Variants in SGCZ observed in about 807,000 individuals in gnomAD.
SGCZ encodes the protein zeta-sarcoglycan.
Under a neutral mutation model 41.3 loss-of-function variants are expected in SGCZ, and 40 were observed. The observed-to-expected ratio is 0.97, with a 90% CI of 0.75 to 1.26. SGCZ has a LOEUF of 1.26. SGCZ is among the 50% of genes most tolerant of loss of function. The probability of loss-of-function intolerance (pLI) is 0.00; values close to 1 mark genes in which losing one functional copy is unlikely to be tolerated. For missense variants in SGCZ, 552 were observed against 369.8 expected, an observed-to-expected ratio of 1.49 and a Z score of -4.04; for synonymous variants, 206 against 137.5, an observed-to-expected ratio of 1.50 and a Z score of -3.49.
At chr8:14,326,005 G>A (rs147307718) in intron 2 of SGCZ, among the ~76,000 whole-genome samples, 2,055 of 147,398 alleles carry the variant, frequency 0.014, 62 homozygotes, top group African/African-American at 0.049. Context: ...CCAGGTACTC[G>A]GAAGGCTGAG....
chr8:14,854,410 A>T (rs1329988287), intron 1 of SGCZ, among the ~76,000 whole-genome samples: 1 of 152,106 alleles, frequency 6.6e-6, no homozygotes, highest in Non-Finnish European at 1.5e-5. Flanking sequence ...GTTCCACAAC[A>T]TATCTAAAGC....
chr8:14,178,068 G>C (rs112055119), intron 4 of SGCZ, among the ~76,000 whole-genome samples: 1 of 141,994 alleles, frequency 7.0e-6, no homozygotes, highest in Non-Finnish European at 1.5e-5. Context: ...AGGGACTCTC[G>C]TGCCTCAGCC....
intron 2 of SGCZ, among the ~76,000 whole-genome samples, chr8:14,364,239 T>A (rs1365225633): frequency 6.6e-6 from 1 of 152,182 alleles, no homozygotes; most frequent in Non-Finnish European, 1.5e-5. Context: ...GTAGATATTG[T>A]GAAAAATCTC....
At chr8:15,090,325 G>A (rs1418857521) in intron 1 of SGCZ, among the ~76,000 whole-genome samples, 2 of 152,126 alleles carry the variant, frequency 1.3e-5, no homozygotes, top group African/African-American at 2.4e-5. Context: ...TAACACTTGA[G>A]GTTTGACTTA....
At chr8:14,234,373 A>T (rs1045721318) in intron 4 of SGCZ, among the ~76,000 whole-genome samples, 1 of 152,062 alleles carries the variant, frequency 6.6e-6, no homozygotes, top group Non-Finnish European at 1.5e-5. Flanking sequence ...AAGGTGGGGT[A>T]CAAGAGGAAT....
intron 1 of SGCZ, among the ~76,000 whole-genome samples, chr8:15,150,495 C>T (rs1799147838): frequency 6.6e-6 from 1 of 152,136 alleles, no homozygotes; most frequent in Non-Finnish European, 1.5e-5. Flanking sequence ...CCCTCCCAAA[C>T]CTAATTCCCC....
At chr8:14,912,556 A>T (rs1408170599) in intron 1 of SGCZ, among the ~76,000 whole-genome samples, 1 of 152,228 alleles carries the variant, frequency 6.6e-6, no homozygotes, top group East Asian at 1.9e-4. Flanking sequence ...GGAATATAGT[A>T]GTGATGTTTC....
intron 1 of SGCZ, among the ~76,000 whole-genome samples, chr8:14,737,089 ATATATC>A (rs1799060289): frequency 1.4e-5 from 2 of 144,356 alleles, no homozygotes; most frequent in African/African-American, 5.2e-5. Flanking sequence ...TATATAAGAT[ATATATC>A]TATATACCAG....
intron 1 of SGCZ, among the ~76,000 whole-genome samples, chr8:14,982,510 G>A (rs1182857842): frequency 3.3e-5 from 5 of 152,122 alleles, no homozygotes; most frequent in Non-Finnish European, 5.9e-5. Flanking sequence ...AGTGTAAACA[G>A]CTTTGACTCC....
At chr8:15,230,362 A>G (rs1017147798) in intron 1 of SGCZ, among the ~76,000 whole-genome samples, 1 of 152,158 alleles carries the variant, frequency 6.6e-6, no homozygotes, top group African/African-American at 2.4e-5. Context: ...CCTATGTATA[A>G]TAGCACAGGA....
chr8:15,072,564 T>A (rs1400930518), intron 1 of SGCZ, among the ~76,000 whole-genome samples: 1 of 152,182 alleles, frequency 6.6e-6, no homozygotes, highest in African/African-American at 2.4e-5. Context: ...TGTTGTTGCT[T>A]TTCTAGCTAA....
At chr8:14,441,302 G>T (rs1395990873) in intron 2 of SGCZ, among the ~76,000 whole-genome samples, 1 of 152,122 alleles carries the variant, frequency 6.6e-6, no homozygotes, top group Admixed American at 6.6e-5. Context: ...TTTGGCCGGG[G>T]ACAGTGGCTC....
At chr8:14,279,301 T>A (rs1405169181) in intron 3 of SGCZ, among the ~76,000 whole-genome samples, 1 of 152,102 alleles carries the variant, frequency 6.6e-6, no homozygotes, top group Non-Finnish European at 1.5e-5. Flanking sequence ...AGTGATTTAT[T>A]GTTCATATAT....
At chr8:14,751,867 G>T (rs556567234) in intron 1 of SGCZ, among the ~76,000 whole-genome samples, 39 of 151,642 alleles carry the variant, frequency 2.6e-4, no homozygotes, top group African/African-American at 9.0e-4. Flanking sequence ...GGGAGGCAGA[G>T]CTTGCACTGA....
chr8:14,597,697 G>A (rs913703266), intron 1 of SGCZ, among the ~76,000 whole-genome samples: 26 of 152,164 alleles, frequency 1.7e-4, no homozygotes, highest in African/African-American at 4.1e-4. Context: ...GGCTGGTCTC[G>A]AACTCCTGAC....
At chr8:14,877,949 T>C (rs1460267429) in intron 1 of SGCZ, among the ~76,000 whole-genome samples, 1 of 152,072 alleles carries the variant, frequency 6.6e-6, no homozygotes, top group Non-Finnish European at 1.5e-5. Context: ...AAATCAGTAC[T>C]GTTGAGAAGT....
chr8:14,549,708 T>C (rs902308749), intron 2 of SGCZ, among the ~76,000 whole-genome samples: 1 of 152,040 alleles, frequency 6.6e-6, no homozygotes, highest in Non-Finnish European at 1.5e-5. Context: ...TAATACAACA[T>C]AGTAAATCCT....
At chr8:14,652,672 A>C (rs1306279764) in intron 1 of SGCZ, among the ~76,000 whole-genome samples, 2 of 152,136 alleles carry the variant, frequency 1.3e-5, no homozygotes, top group African/African-American at 4.8e-5. Flanking sequence ...GTTGCAAATT[A>C]GTTAGGTATA....
chr8:14,814,302 A>G (rs56137218), intron 1 of SGCZ, among the ~76,000 whole-genome samples: 2,028 of 152,266 alleles, frequency 0.013, 20 homozygotes, highest in Middle Eastern at 0.041. Flanking sequence ...GATGGGGTAT[A>G]GAAGGGACTG....
Sources: gnomAD v4.1 joint callset for allele counts (sites outside exome capture counted in the v4.1 genomes callset) on GRCh38, gnomAD v4.1.1 for gene constraint, MANE v1.5 for transcripts, NCBI Gene and HGNC (gene_info 2026-07-23, HGNC 2026-07-21) for gene names.